The following ANO3 variants were observed in gnomAD, a reference collection of about 807,000 sequenced individuals.
ANO3 encodes anoctamin-3.
ANO3 carries 99 observed loss-of-function variants against 144.8 expected under a neutral mutation model. The observed-to-expected ratio is 0.68, with a 90% CI of 0.58 to 0.81. The LOEUF is 0.81. ANO3 is among the 30% of genes least tolerant of loss of function. The pLI is 0.00. For missense variants in ANO3, 905 were observed against 1,202.2 expected (o/e 0.75, Z 3.66); for synonymous variants, 414 against 392.6 (o/e 1.05, Z -0.64).
intron 6 of ANO3, among the ~76,000 whole-genome samples, chr11:26,517,176 A>T (rs1363245376): frequency 6.6e-6 from 1 of 151,938 alleles, no homozygotes; most frequent in Non-Finnish European, 1.5e-5. Flanking sequence ...AGTTATTTTC[A>T]ATTTTAACTT....
At chr11:26,199,319 C>G (rs1851648153) in intron 1 of ANO3, among the ~76,000 whole-genome samples, 4 of 152,114 alleles carry the variant, frequency 2.6e-5, no homozygotes, top group Admixed American at 2.6e-4. Context: ...TTACTTTTCT[C>G]TTCCTCCTAC....
chr11:26,641,778 A>G (rs1853161560), intron 21 of ANO3, 118 bp from the exon 22 acceptor site: 1 of 1,120,334 alleles, frequency 8.9e-7, no homozygotes. Context: ...AGGTAAAACC[A>G]AATACCTCCA....
chr11:26,596,389 T>A (rs1851629423), intron 14 of ANO3, among the ~76,000 whole-genome samples: 1 of 152,186 alleles, frequency 6.6e-6, no homozygotes, highest in African/African-American at 2.4e-5. Flanking sequence ...TCAATTCATT[T>A]TCAACCTGAT....
At chr11:26,347,645 G>T (rs544984021) in intron 1 of ANO3, among the ~76,000 whole-genome samples, 1 of 152,240 alleles carries the variant, frequency 6.6e-6, no homozygotes, top group African/African-American at 2.4e-5. Flanking sequence ...CACATGGCCC[G>T]TCCTTATTAA....
At chr11:26,340,993 G>A (rs957927458) in intron 1 of ANO3, among the ~76,000 whole-genome samples, 20 of 152,054 alleles carry the variant, frequency 1.3e-4, no homozygotes, top group African/African-American at 4.8e-4. Flanking sequence ...TACCCCAAAT[G>A]CTGTCAATTC....
At chr11:26,286,138 C>G (rs967575115) in intron 1 of ANO3, 2 of 152,048 alleles carry the variant, frequency 1.3e-5, no homozygotes, top group African/African-American at 4.8e-5. Context: ...TGAAAATAAG[C>G]AGGTCAGCAT....
At chr11:26,384,697 G>A (rs373025351) in intron 1 of ANO3, among the ~76,000 whole-genome samples, 15 of 152,204 alleles carry the variant, frequency 9.9e-5, no homozygotes, top group African/African-American at 3.6e-4. Context: ...TGTAGGCCAA[G>A]CCACCACAAT....
At position 26,620,344 on chromosome 11, in the gene ANO3, A is replaced by G. The variant is rs139025485; in HGVS notation, c.1837-4118A>G. Among the ~76,000 whole-genome samples the G allele has an allele frequency of 5.4e-3, 825 of 152,336 alleles. 8 individuals carry two copies. The highest frequency in any genetic ancestry group is 8.8e-3 in the Non-Finnish European group (602 of 68,028). ...AAAGGGTAACTTTTAAGAAATATAT[A>G]GAAACATCAGAACAGAAGTACTCTT... On this transcript the variant is annotated intron_variant, in intron 17 of 26. Coordinates refer to ENST00000256737, the MANE Select transcript of ANO3 (RefSeq NM_031418.4).
chr11:26,645,415 C>T (rs1853313231), intron 23 of ANO3, among the ~76,000 whole-genome samples: 1 of 151,846 alleles, frequency 6.6e-6, no homozygotes, highest in African/African-American at 2.4e-5. Flanking sequence ...TAAATAAAAA[C>T]TCCAACTATA....
At chr11:26,362,838 T>C (rs1197867027) in intron 1 of ANO3, among the ~76,000 whole-genome samples, 1 of 152,232 alleles carries the variant, frequency 6.6e-6, no homozygotes, top group Non-Finnish European at 1.5e-5. Flanking sequence ...TATAATTTTA[T>C]TGTCAACATC....
intron 1 of ANO3, among the ~76,000 whole-genome samples, chr11:26,360,181 C>A (rs1855889380): frequency 9.0e-6 from 1 of 111,040 alleles, no homozygotes; most frequent in Non-Finnish European, 1.7e-5. Flanking sequence ...CCCAACCCCC[C>A]CGCCCTTTTT....
Position 26,525,267 on chromosome 11 carries a change from G to A in ANO3, c.693-368G>A, listed in dbSNP as rs144314896. Among the ~76,000 whole-genome samples the A allele has an allele frequency of 3.0e-3, 452 of 152,030 alleles. 1 individual carries two copies. Among genetic ancestry groups the A allele is most frequent in the African/African-American group, 0.01 (419 of 41,490 alleles). The stretch of plus-strand genomic sequence containing the variant: ...TAAATGGATGTATAGATGGATGGAC[G>A]GGAAAATGGAAGGAGGGATGGATGG... On this transcript the variant is annotated intron_variant, in intron 6 of 26. Transcript: ENST00000256737.
At position 26,332,247 on chromosome 11, in the gene ANO3, C is replaced by T; in HGVS notation, c.-29C>T. On this transcript the variant is annotated 5_prime_UTR_variant, in exon 1 of 27. Coordinates refer to ENST00000256737, the MANE Select transcript of ANO3 (RefSeq NM_031418.4). ...CTCCGCCTCCCTCTCGGGCAGCTCCCTAAGCCGGCTGGGACGCGCAGAGTG... is the reference window on the plus strand; with the variant it reads ...CTCCGCCTCCCTCTCGGGCAGCTCCTTAAGCCGGCTGGGACGCGCAGAGTG... 1 of 1,614,082 alleles carries T rather than the reference C, an allele frequency of 6.2e-7. No homozygotes were observed. The highest frequency in any genetic ancestry group is 8.5e-7 in the Non-Finnish European group (1 of 1,180,016).
chr11:26,645,249 T>C (rs1430684685), intron 23 of ANO3, among the ~76,000 whole-genome samples: 2 of 152,098 alleles, frequency 1.3e-5, no homozygotes, highest in African/African-American at 4.8e-5. Flanking sequence ...GCTTAATCAA[T>C]TTTTCCAAAA....
intron 26 of ANO3, 32 bp from the exon 27 acceptor site, chr11:26,660,230 G>T (rs754170193): frequency 6.2e-7 from 1 of 1,601,820 alleles, no homozygotes; most frequent in South Asian, 1.1e-5. Flanking sequence ...CAGAATCTTT[G>T]AAAACTGTCC....
At chr11:26,655,898 G>A (rs1312618361) in intron 24 of ANO3, among the ~76,000 whole-genome samples, 1 of 151,978 alleles carries the variant, frequency 6.6e-6, no homozygotes, top group Non-Finnish European at 1.5e-5. Flanking sequence ...TAAACCAGAT[G>A]AAAAGGCAAG....
Position 26,231,537 on chromosome 11 carries a change from T to G in ANO3, c.154+42207T>G, listed in dbSNP as rs149670646. Among the ~76,000 whole-genome samples, 520 of 152,264 alleles carry G rather than the reference T, an allele frequency of 3.4e-3. 3 individuals are homozygous for G. Among genetic ancestry groups the G allele is most frequent in the African/African-American group, 0.012 (494 of 41,554 alleles). On this transcript the variant is annotated intron_variant, in intron 1 of 27. Transcript: ENST00000672621. ...TCAGTCATTCATCAATTAGCAGTATTAATGCTCAAACTTAGATGTGTAATA... is the reference window on the plus strand; with the variant it reads ...TCAGTCATTCATCAATTAGCAGTATGAATGCTCAAACTTAGATGTGTAATA...
At chr11:26,594,775 A>C (rs1449872733) in intron 14 of ANO3, among the ~76,000 whole-genome samples, 9 of 152,140 alleles carry the variant, frequency 5.9e-5, no homozygotes, top group Admixed American at 5.9e-4. Context: ...TACATAATTG[A>C]GAGTTTTCTC....
intron 17 of ANO3, among the ~76,000 whole-genome samples, chr11:26,612,679 A>C (rs773837361): frequency 2.0e-5 from 3 of 152,030 alleles, no homozygotes; most frequent in Non-Finnish European, 4.4e-5. Flanking sequence ...TTGTAAGGCC[A>C]GTCTAGTGGT....
Sources: gnomAD v4.1 joint callset for allele counts (sites outside exome capture counted in the v4.1 genomes callset) on GRCh38, gnomAD v4.1.1 for gene constraint, MANE v1.5 for transcripts, NCBI Gene and HGNC (gene_info 2026-07-23, HGNC 2026-07-21) for gene names.